Variants in CLIP1 observed in about 807,000 individuals in gnomAD.
CLIP1 encodes CAP-Gly domain-containing linker protein 1.
CLIP1 carries 66 observed loss-of-function variants against 161.6 expected under a neutral mutation model. That is an observed-to-expected ratio of 0.41 (90% confidence interval 0.33 to 0.50). CLIP1 has a LOEUF of 0.50. Among genes scored for constraint, CLIP1 ranks in the 20% least tolerant of loss-of-function variants. The pLI, the probability that CLIP1 is intolerant of heterozygous loss-of-function variation, is 0.27. For missense variants in CLIP1, 1,376 were observed against 1,702.0 expected, an observed-to-expected ratio of 0.81 and a Z score of 3.37; for synonymous variants, 598 against 626.2, an observed-to-expected ratio of 0.96 and a Z score of 0.67.
chr12:122,276,121 T>TAC (rs1955417254), intron 24 of CLIP1, among the ~76,000 whole-genome samples: 2 of 152,240 alleles, frequency 1.3e-5, no homozygotes, highest in South Asian at 2.1e-4. Flanking sequence ...TATATAGATA[T>TAC]ACACACACAT....
intron 4 of CLIP1, among the ~76,000 whole-genome samples, chr12:122,361,567 A>G (rs1953809090): frequency 6.6e-6 from 1 of 152,250 alleles, no homozygotes; most frequent in South Asian, 2.1e-4. Context: ...TGGCAGATCC[A>G]TTAAAGTAAA....
intron 1 of CLIP1, among the ~76,000 whole-genome samples, chr12:122,414,208 A>C (rs1956646048): frequency 6.6e-6 from 1 of 152,092 alleles, no homozygotes; most frequent in South Asian, 2.1e-4. Context: ...GCGTGAACAC[A>C]GCTCACTGTA....
In CLIP1 at chr12:122,341,716, A is replaced by G. The variant is rs1352857202; in HGVS notation, c.1507-19T>C. Reference sequence around the variant, plus strand: ...TAGCCACCTATTAACAGCAGTCCAAAGAAAAAAAGATCATTTAAATAACAA... The same window carrying G: ...TAGCCACCTATTAACAGCAGTCCAAGGAAAAAAAGATCATTTAAATAACAA... On this transcript the variant is annotated intron_variant, in intron 10 of 25. Coordinates refer to ENST00000620786, the MANE Select transcript of CLIP1 (RefSeq NM_001247997.2). The G allele has an allele frequency of 1.5e-6, 2 of 1,295,250 alleles. No individual in the cohort carries two copies. The highest frequency in any genetic ancestry group is 3.0e-5 in the African/African-American group (2 of 66,762). 80.2% of individuals were successfully genotyped at this position (1,295,250 alleles called of 1,614,324 possible). A position where few individuals can be genotyped will look rare whatever the true frequency, so the allele number is the denominator to read the frequency against.
chr12:122,364,216 C>T (rs1954014684), intron 3 of CLIP1, 109 bp from the exon 4 acceptor site: 5 of 1,323,686 alleles, frequency 3.8e-6, no homozygotes, highest in Non-Finnish European at 2.1e-6. Context: ...CCACCAGCAA[C>T]TTCTTTGCTT....
intron 20 of CLIP1, among the ~76,000 whole-genome samples, chr12:122,304,457 T>C (rs1950794348): frequency 6.6e-6 from 1 of 152,056 alleles, no homozygotes; most frequent in African/African-American, 2.4e-5. Context: ...GCCTCCCGGG[T>C]TCAAGTGATT....
intron 25 of CLIP1, 151 bp from the exon 26 acceptor site, chr12:122,273,251 GT>G (rs1418442348): frequency 3.1e-6 from 2 of 635,348 alleles, no homozygotes; most frequent in Admixed American, 3.0e-5. Flanking sequence ...CACATTTAAA[GT>G]ATTTTTTTTA....
intron 5 of CLIP1, among the ~76,000 whole-genome samples, chr12:122,357,681 G>A (rs1234434426): frequency 6.7e-6 from 1 of 149,326 alleles, no homozygotes; most frequent in Non-Finnish European, 1.5e-5. Flanking sequence ...CGTCCGGGAG[G>A]GAGATGGGGG....
intron 19 of CLIP1, among the ~76,000 whole-genome samples, chr12:122,310,633 T>A (rs1489200502): frequency 6.6e-6 from 1 of 152,186 alleles, no homozygotes; most frequent in Non-Finnish European, 1.5e-5. Context: ...AAAACATACA[T>A]CCTAAACATT....
At chr12:122,382,083 C>T (rs1158663352) in intron 1 of CLIP1, among the ~76,000 whole-genome samples, 4 of 152,090 alleles carry the variant, frequency 2.6e-5, no homozygotes, top group African/African-American at 9.7e-5. Flanking sequence ...AAATTATGGC[C>T]GGGCGTGGTG....
chr12:122,385,010 G>A (rs991577292), intron 1 of CLIP1, among the ~76,000 whole-genome samples: 17 of 148,044 alleles, frequency 1.1e-4, no homozygotes, highest in Admixed American at 2.7e-4. Flanking sequence ...TCAGCTCTCT[G>A]CGACCTCTGC....
At chr12:122,383,240 G>A (rs1199785690) in intron 1 of CLIP1, among the ~76,000 whole-genome samples, 8 of 152,104 alleles carry the variant, frequency 5.3e-5, no homozygotes, top group African/African-American at 9.7e-5. Context: ...AACCTTTTAC[G>A]GTGACAAAAT....
chr12:122,377,154 G>A (rs1020570184), intron 3 of CLIP1, among the ~76,000 whole-genome samples: 7 of 151,858 alleles, frequency 4.6e-5, no homozygotes, highest in Admixed American at 1.3e-4. Context: ...GATTACAGGC[G>A]CCCCCACCAA....
intron 17 of CLIP1, among the ~76,000 whole-genome samples, chr12:122,327,411 T>C (rs74946587): frequency 1.0e-3 from 156 of 152,244 alleles, no homozygotes; most frequent in African/African-American, 3.5e-3. Flanking sequence ...CCAGCTTCCT[T>C]GTCAATAAGC....
intron 3 of CLIP1, among the ~76,000 whole-genome samples, chr12:122,375,577 A>G (rs901592983): frequency 2.0e-5 from 3 of 152,198 alleles, no homozygotes; most frequent in South Asian, 2.1e-4. Context: ...TCGGCCTCCA[A>G]AACTGCTGGT....
chr12:122,369,269 A>T (rs1702283610), intron 3 of CLIP1, among the ~76,000 whole-genome samples: 1 of 151,750 alleles, frequency 6.6e-6, no homozygotes, highest in South Asian at 2.1e-4. Context: ...GATTCCACCC[A>T]CCTTGACCTC....
intron 3 of CLIP1, among the ~76,000 whole-genome samples, chr12:122,375,009 T>C (rs145998408): frequency 1.2e-3 from 188 of 152,234 alleles, no homozygotes; most frequent in African/African-American, 4.4e-3. Context: ...GAACCTGACA[T>C]CACATCCTAG....
chr12:122,384,661 T>C (rs1014038917), intron 1 of CLIP1, among the ~76,000 whole-genome samples: 2 of 151,724 alleles, frequency 1.3e-5, no homozygotes, highest in Admixed American at 6.6e-5. Context: ...CTCAGGAGGC[T>C]GAGGTGGGAG....
At chr12:122,333,918 G>T (rs1593093078) in intron 14 of CLIP1, 109 bp downstream of exon 14, 1 of 664,932 alleles carries the variant, frequency 1.5e-6, no homozygotes, top group Non-Finnish European at 2.7e-6. Context: ...CATGATGAGT[G>T]AAGAGGCTAT....
Position 122,309,744 on chromosome 12 carries a change from T to C in CLIP1, c.3594+18A>G, listed in dbSNP as rs773536246. The C allele has an allele frequency of 6.2e-7, 1 of 1,611,780 alleles. No individual in the cohort carries two copies. The highest frequency in any genetic ancestry group is 1.3e-5 in the African/African-American group (1 of 74,970). On this transcript the variant is annotated intron_variant, in intron 20 of 25. Transcript: ENST00000620786. ...CCCAGCATGGCACAGCTGGAACCCC[T>C]CGCCAAAGGACACTGACCTTTTGAT...
Sources: gnomAD v4.1 joint callset for allele counts (sites outside exome capture counted in the v4.1 genomes callset) on GRCh38, gnomAD v4.1.1 for gene constraint, MANE v1.5 for transcripts, NCBI Gene and HGNC (gene_info 2026-07-23, HGNC 2026-07-21) for gene names.